Variants in PAPPA2 observed in about 807,000 individuals in gnomAD.
PAPPA2 encodes pappalysin 2.
In PAPPA2, 86 loss-of-function variants were observed where a neutral mutation model predicts 176.4. The ratio of observed to expected loss-of-function variants is 0.49; its 90% CI spans 0.41 to 0.58. The LOEUF is 0.58. PAPPA2 is among the 20% of genes least tolerant of loss of function. The probability of loss-of-function intolerance (pLI) is 0.00; values close to 1 mark genes in which losing one functional copy is unlikely to be tolerated. For synonymous variants in PAPPA2, 809 were observed against 852.2 expected (o/e 0.95, Z 0.88); for missense variants, 2,073 against 2,256.9 (o/e 0.92, Z 1.65).
At chr1:176,767,285 T>C (rs1387106648) in intron 15 of PAPPA2, among the ~76,000 whole-genome samples, 1 of 152,090 alleles carries the variant, frequency 6.6e-6, no homozygotes, top group Non-Finnish European at 1.5e-5. Context: ...CAAAACAAAA[T>C]GGACAGTACC....
chr1:176,558,479 CT>C (rs2102594155), intron 2 of PAPPA2, among the ~76,000 whole-genome samples: 1 of 152,314 alleles, frequency 6.6e-6, no homozygotes, highest in East Asian at 1.9e-4. Context: ...GTCTCCCCCT[CT>C]TTGGCTGTGA....
chr1:176,667,224 C>T (rs1406108413), intron 3 of PAPPA2, among the ~76,000 whole-genome samples: 2 of 150,630 alleles, frequency 1.3e-5, no homozygotes, highest in African/African-American at 4.9e-5. Flanking sequence ...CCAGCTTGGG[C>T]CACAAAAGCA....
At chr1:176,803,717 G>A (rs1665779861) in intron 21 of PAPPA2, among the ~76,000 whole-genome samples, 3 of 152,182 alleles carry the variant, frequency 2.0e-5, no homozygotes, top group Admixed American at 1.3e-4. Flanking sequence ...TCTCTCTATT[G>A]CTAATACAGG....
intron 17 of PAPPA2, among the ~76,000 whole-genome samples, 199 bp from the exon 18 acceptor site, chr1:176,789,610 C>T (rs765336787): frequency 2.6e-5 from 4 of 152,078 alleles, no homozygotes; most frequent in African/African-American, 4.8e-5. Flanking sequence ...ACATTTACTA[C>T]TACTTTGAAT....
At chr1:176,510,677 T>C (rs1397525399) in intron 1 of PAPPA2, among the ~76,000 whole-genome samples, 2 of 151,808 alleles carry the variant, frequency 1.3e-5, no homozygotes, top group Non-Finnish European at 2.9e-5. Flanking sequence ...TTATAATACA[T>C]ACAGATAAAA....
At chr1:176,654,550 C>T (rs1450322760) in intron 3 of PAPPA2, among the ~76,000 whole-genome samples, 4 of 150,180 alleles carry the variant, frequency 2.7e-5, no homozygotes, top group Admixed American at 2.0e-4. Flanking sequence ...TTTCTTAGGA[C>T]TGCTTTGGCT....
At chr1:176,769,562 C>A (rs369175976) in intron 15 of PAPPA2, 45 bp from the exon 16 acceptor site, 1 of 1,566,854 alleles carries the variant, frequency 6.4e-7, no homozygotes, top group South Asian at 1.1e-5. Context: ...TACTCTGATA[C>A]GCCTTTTAAT....
At chr1:176,822,227 T>C (rs1043663801) in intron 21 of PAPPA2, among the ~76,000 whole-genome samples, 4 of 152,206 alleles carry the variant, frequency 2.6e-5, no homozygotes. Context: ...GATTACTCCC[T>C]GGGTGTCACC....
intron 3 of PAPPA2, chr1:176,616,560 G>C: frequency 7.0e-7 from 1 of 1,432,818 alleles, no homozygotes; most frequent in Non-Finnish European, 9.7e-7. Context: ...AATCTGGTTG[G>C]ATGGTGGTGC....
At chr1:176,516,380 T>C (rs1260527452) in intron 1 of PAPPA2, among the ~76,000 whole-genome samples, 2 of 152,032 alleles carry the variant, frequency 1.3e-5, no homozygotes, top group East Asian at 3.9e-4. Context: ...TCCCCTGCCT[T>C]AATATTTCCT....
intron 1 of PAPPA2, among the ~76,000 whole-genome samples, chr1:176,469,922 C>T (rs1023749005): frequency 1.3e-5 from 2 of 152,146 alleles, no homozygotes; most frequent in African/African-American, 4.8e-5. Context: ...TACTGCTGGC[C>T]ATTGGTTCCC....
intron 3 of PAPPA2, among the ~76,000 whole-genome samples, chr1:176,641,991 A>G (rs909728089): frequency 2.6e-5 from 4 of 151,948 alleles, no homozygotes; most frequent in Non-Finnish European, 5.9e-5. Flanking sequence ...TCCAGTTACT[A>G]CTTATCCCTA....
chr1:176,686,196 G>A (rs1017152140), intron 4 of PAPPA2, among the ~76,000 whole-genome samples: 3 of 152,112 alleles, frequency 2.0e-5, no homozygotes, highest in African/African-American at 7.2e-5. Flanking sequence ...AATACCTGAG[G>A]CTGGGTAATT....
intron 2 of PAPPA2, among the ~76,000 whole-genome samples, chr1:176,578,908 A>G (rs866580624): frequency 3.0e-4 from 45 of 152,340 alleles, no homozygotes; most frequent in African/African-American, 9.4e-4. Context: ...TGTCGCTACC[A>G]TAAAATAAGA....
intron 1 of PAPPA2, among the ~76,000 whole-genome samples, chr1:176,525,888 G>A (rs1036280983): frequency 2.0e-5 from 3 of 152,118 alleles, no homozygotes; most frequent in Non-Finnish European, 4.4e-5. Context: ...CTCTACTTTG[G>A]AATTTTGAAC....
intron 3 of PAPPA2, among the ~76,000 whole-genome samples, chr1:176,660,828 A>G (rs1658321167): frequency 4.6e-5 from 7 of 152,282 alleles, no homozygotes; most frequent in Middle Eastern, 6.8e-3. Flanking sequence ...TCTAAGTAGT[A>G]AAAATTTGTT....
chr1:176,825,888 G>A (rs529205493), intron 21 of PAPPA2, among the ~76,000 whole-genome samples: 95 of 152,266 alleles, frequency 6.2e-4, no homozygotes, highest in African/African-American at 2.0e-3. Flanking sequence ...CCATTGATAC[G>A]AAGAGTATCC....
chr1:176,648,514 A>G (rs1329517426), intron 3 of PAPPA2, among the ~76,000 whole-genome samples: 1 of 151,360 alleles, frequency 6.6e-6, no homozygotes, highest in Non-Finnish European at 1.5e-5. Context: ...CTTCTTCTAG[A>G]TCTTAAAGAA....
chr1:176,632,694 A>G (rs1387015909), intron 3 of PAPPA2, among the ~76,000 whole-genome samples: 2 of 152,192 alleles, frequency 1.3e-5, no homozygotes, highest in Non-Finnish European at 2.9e-5. Flanking sequence ...CTTCTTTGGT[A>G]AAAACAGGAC....
Sources: allele counts gnomAD v4.1 joint callset (sites outside exome capture counted in the v4.1 genomes callset), GRCh38; gene constraint gnomAD v4.1.1; transcripts MANE v1.5; gene names NCBI Gene and HGNC (gene_info 2026-07-23, HGNC 2026-07-21).